The following ROBO1 variants were observed in gnomAD, a reference collection of about 807,000 sequenced individuals.
The protein encoded by ROBO1 is roundabout guidance receptor 1, also known as roundabout homolog 1.
A neutral mutation model predicts 195.9 loss-of-function variants in ROBO1; 149 were observed. The ratio of observed to expected loss-of-function variants is 0.76; its 90% CI spans 0.67 to 0.87. The LOEUF is 0.87. Among genes scored for constraint, ROBO1 ranks in the 40% least tolerant of loss-of-function variants. The pLI, the probability that ROBO1 is intolerant of heterozygous loss-of-function variation, is 0.00. For missense variants in ROBO1, 1,933 were observed against 2,068.3 expected (o/e 0.93, Z 1.27); for synonymous variants, 816 against 733.2 (o/e 1.11, Z -1.82).
rs138526359 is a variant in ROBO1, at chr3:79,052,990, T to C, written c.172+72466A>G. On this transcript the variant is annotated intron_variant, in intron 3 of 30. Coordinates refer to ENST00000464233, the MANE Select transcript of ROBO1 (RefSeq NM_002941.4). ...AGTGTCCAGGTAACCATGGAAAATA[T>C]GGTCACTCTATTCAGGGAGGTGGAA... 8.0e-3 allele frequency among the ~76,000 whole-genome samples: 1,221 copies of C among 152,186 alleles called. 18 individuals are homozygous for C. Among genetic ancestry groups the C allele is most frequent in the African/African-American group, 0.028 (1,157 of 41,530 alleles).
chr3:79,187,519 G>A (rs1399901940), intron 2 of ROBO1, among the ~76,000 whole-genome samples: 4 of 151,960 alleles, frequency 2.6e-5, no homozygotes, highest in Non-Finnish European at 5.9e-5. Context: ...GTGGAACTGT[G>A]AATAAATTTT....
chr3:78,639,560 C>T (rs1437923626), intron 22 of ROBO1, among the ~76,000 whole-genome samples, 184 bp downstream of exon 22: 1 of 152,130 alleles, frequency 6.6e-6, no homozygotes, highest in Non-Finnish European at 1.5e-5. Flanking sequence ...TGGACTTTAG[C>T]AAAGTATGGA....
chr3:79,018,551 C>A, intron 3 of ROBO1: 1 of 1,576,836 alleles, frequency 6.3e-7, no homozygotes, highest in Middle Eastern at 1.7e-4. Context: ...ACACCACACA[C>A]AAAGGCTTAA....
chr3:79,110,815 C>T (rs189142213), intron 3 of ROBO1, among the ~76,000 whole-genome samples: 18 of 151,686 alleles, frequency 1.2e-4, no homozygotes, highest in South Asian at 6.3e-4. Context: ...GATGGAGTCT[C>T]GCTATGTTGC....
chr3:79,650,045 T>C (rs1176657456), intron 1 of ROBO1, among the ~76,000 whole-genome samples: 1 of 151,596 alleles, frequency 6.6e-6, no homozygotes, highest in African/African-American at 2.4e-5. Context: ...CTTTGAACAA[T>C]AAAACAATAA....
At chr3:79,744,892 T>C (rs1308904868) in intron 1 of ROBO1, among the ~76,000 whole-genome samples, 1 of 151,930 alleles carries the variant, frequency 6.6e-6, no homozygotes, top group Non-Finnish European at 1.5e-5. Context: ...GGATCATATA[T>C]ATACATATGG....
chr3:79,162,857 T>C (rs2080996267), intron 2 of ROBO1, among the ~76,000 whole-genome samples: 1 of 152,100 alleles, frequency 6.6e-6, no homozygotes, highest in African/African-American at 2.4e-5. Context: ...CCTGTGTACA[T>C]CATGAATCAC....
intron 3 of ROBO1, among the ~76,000 whole-genome samples, chr3:79,013,332 T>C (rs1027263709): frequency 2.6e-5 from 4 of 152,218 alleles, no homozygotes; most frequent in African/African-American, 9.7e-5. Context: ...CAGACAATGT[T>C]TTGAATCACA....
rs541077032 is a variant in ROBO1, at chr3:79,639,623, C to A, written c.-50-49662G>T. ...GAGCACTAATTTTATAAGTTGCTAC[C>A]AAATATTCTAGTTTTATTATATTTC... On this transcript the variant is annotated intron_variant, in intron 1 of 30. Coordinates refer to ENST00000464233, the MANE Select transcript of ROBO1 (RefSeq NM_002941.4). Among the ~76,000 whole-genome samples the A allele has an allele frequency of 1.2e-4, 19 of 152,204 alleles. 1 individual carries two copies. Among genetic ancestry groups the A allele is most frequent in the African/African-American group, 4.6e-4 (19 of 41,534 alleles).
intron 2 of ROBO1, among the ~76,000 whole-genome samples, chr3:79,502,434 A>G (rs926066852): frequency 1.3e-5 from 2 of 152,106 alleles, no homozygotes; most frequent in African/African-American, 4.8e-5. Context: ...GCCGGGCCTT[A>G]GCTGCCTCCC....
intron 2 of ROBO1, among the ~76,000 whole-genome samples, chr3:79,558,321 T>C (rs1008898019): frequency 5.3e-5 from 8 of 152,222 alleles, no homozygotes; most frequent in African/African-American, 1.9e-4. Flanking sequence ...ACTCTTATGA[T>C]AATCCACTTA....
intron 1 of ROBO1, among the ~76,000 whole-genome samples, chr3:79,644,591 G>A (rs941325960): frequency 1.7e-4 from 26 of 152,086 alleles, no homozygotes; most frequent in African/African-American, 6.0e-4. Flanking sequence ...CACAAGAACA[G>A]CACAGGAAAG....
chr3:79,141,397 T>C (rs2080522111), intron 2 of ROBO1, among the ~76,000 whole-genome samples: 1 of 152,168 alleles, frequency 6.6e-6, no homozygotes, highest in Non-Finnish European at 1.5e-5. Context: ...TTCATTCTAA[T>C]TGTGCTTTTG....
rs772032192 is a variant in ROBO1, at chr3:79,043,548, A to AT, written c.172+81907dup. On this transcript the variant is annotated intron_variant, in intron 3 of 30. Coordinates refer to ENST00000464233, the MANE Select transcript of ROBO1 (RefSeq NM_002941.4). ...AGATATATAGAATGACATCATATAG[A>AT]TTTTTTTTTAAAAAAACTCCTCTCA... Among the ~76,000 whole-genome samples, 222 of 151,724 alleles carry AT rather than the reference A, an allele frequency of 1.5e-3. 1 individual carries two copies. The highest frequency in any genetic ancestry group is 2.0e-3 in the Non-Finnish European group (138 of 67,900).
chr3:79,667,930 G>A (rs561918720), intron 1 of ROBO1, among the ~76,000 whole-genome samples: 8 of 151,696 alleles, frequency 5.3e-5, no homozygotes, highest in Non-Finnish European at 1.0e-4. Flanking sequence ...AACATATGAA[G>A]AAACATGCTG....
intron 1 of ROBO1, among the ~76,000 whole-genome samples, chr3:79,755,254 A>T (rs542738902): frequency 2.6e-5 from 4 of 152,174 alleles, no homozygotes; most frequent in Admixed American, 6.5e-5. Context: ...TAATTGCTTA[A>T]TTTTTCTAAA....
intron 2 of ROBO1, among the ~76,000 whole-genome samples, chr3:79,386,186 T>C (rs568472106): frequency 6.6e-6 from 1 of 152,224 alleles, no homozygotes; most frequent in East Asian, 1.9e-4. Context: ...AATATGTGAT[T>C]TAAACTAAAA....
intron 8 of ROBO1, among the ~76,000 whole-genome samples, chr3:78,711,352 T>C (rs896257359): frequency 1.8e-3 from 64 of 36,408 alleles, no homozygotes; most frequent in Middle Eastern, 0.011. Context: ...TCCTTCCTCC[T>C]TCCTTCCTTC....
At chr3:79,181,365 T>G (rs2108731525) in intron 2 of ROBO1, among the ~76,000 whole-genome samples, 1 of 152,296 alleles carries the variant, frequency 6.6e-6, no homozygotes, top group South Asian at 2.1e-4. Context: ...GGTATAAAGG[T>G]TTGCCAACTC....
Sources: gnomAD v4.1 joint callset for allele counts (sites outside exome capture counted in the v4.1 genomes callset) on GRCh38, gnomAD v4.1.1 for gene constraint, MANE v1.5 for transcripts, NCBI Gene and HGNC (gene_info 2026-07-23, HGNC 2026-07-21) for gene names.